Variants in HOOK2 observed in about 807,000 individuals in gnomAD.
The protein encoded by HOOK2 is hook microtubule tethering protein 2.
HOOK2 carries 108 observed loss-of-function variants against 111.9 expected under a neutral mutation model. That is an observed-to-expected ratio of 0.96 (90% CI 0.83 to 1.13). HOOK2 has a LOEUF of 1.13. Ranked by LOEUF, HOOK2 falls within the 50% of genes most tolerant of loss-of-function variation. The probability of loss-of-function intolerance (pLI) is 0.00; values close to 1 mark genes in which losing one functional copy is unlikely to be tolerated. For missense variants in HOOK2, 978 were observed against 951.3 expected (o/e 1.03, Z -0.37); for synonymous variants, 405 against 394.3 (o/e 1.03, Z -0.32).
intron 3 of HOOK2, among the ~76,000 whole-genome samples, chr19:12,788,756 C>A (rs1466740911): frequency 6.6e-6 from 1 of 152,222 alleles, no homozygotes; most frequent in Non-Finnish European, 1.5e-5. Context: ...CCCCGCGGGG[C>A]CCAGCCAGAT....
At chr19:12,768,990 G>A (rs542998898) in intron 11 of HOOK2, among the ~76,000 whole-genome samples, 6 of 147,322 alleles carry the variant, frequency 4.1e-5, no homozygotes, top group African/African-American at 1.5e-4. Context: ...TTTCGAGACG[G>A]AGTCTTGCTC....
chr19:12,767,761 C>T (rs569895027), intron 13 of HOOK2, 55 bp downstream of exon 13: 2 of 1,511,048 alleles, frequency 1.3e-6, no homozygotes, highest in Non-Finnish European at 1.8e-6. Context: ...ACAACCTGTT[C>T]TACCCAAACA....
chr19:12,763,180 T>A lies in HOOK2; in HGVS notation c.*102A>T. On this transcript the variant is annotated 3_prime_UTR_variant, in exon 23 of 23. Coordinates refer to ENST00000397668, the MANE Select transcript of HOOK2 (RefSeq NM_013312.3). ...AGAGGGAAGAGCAGAGATCATGGCC[T>A]CAAAGCTCTCGAGCACCTGGCTGAA... 2 of 1,048,996 alleles carry A rather than the reference T, an allele frequency of 1.9e-6. No individual in the cohort carries two copies. Among genetic ancestry groups the A allele is most frequent in the Non-Finnish European group, 1.3e-6 (1 of 762,764 alleles). 65.0% of individuals were successfully genotyped at this position (1,048,996 alleles called of 1,614,324 possible).
At position 12,775,409 on chromosome 19, in the gene HOOK2, G is replaced by A. The variant is rs1382816288; in HGVS notation, c.41C>T (p.Thr14Ile). The A allele has an allele frequency of 1.2e-6, 2 of 1,612,734 alleles. No homozygotes were observed. Among genetic ancestry groups the A allele is most frequent in the South Asian group, 2.2e-5 (2 of 90,834 alleles). Reference protein sequence around the residue: ...DKAELCGSLLTWLQTFHVPSP... With the variant: ...DKAELCGSLLIWLQTFHVPSP... ...TAGCCCCGCCCCACGACCTACCCAGGTGAGCAGAGACCCGCATAGCTCAGC... is the reference window on the plus strand; with the variant it reads ...TAGCCCCGCCCCACGACCTACCCAGATGAGCAGAGACCCGCATAGCTCAGC... The change falls in exon 1 of 23, where the codon ACC (threonine) becomes ATC (isoleucine). Residue 14 changes from threonine (T) to isoleucine (I), a missense_variant. Thr to Ile is a moderately conservative substitution (Grantham distance 89, BLOSUM62 -1). Transcript: ENST00000397668.
intron 1 of HOOK2, 144 bp downstream of exon 1, chr19:12,775,261 C>G: frequency 6.9e-7 from 1 of 1,452,592 alleles, no homozygotes. Flanking sequence ...GGGGCGGGTG[C>G]TCGGGCCAGA....
chr19:12,773,209 G>A (rs1599501001), intron 3 of HOOK2, 165 bp from the exon 4 acceptor site: 1 of 421,940 alleles, frequency 2.4e-6, no homozygotes. Flanking sequence ...TGCCCCTTTT[G>A]TCTGCCTGAC....
rs755591515 is a variant in HOOK2 at position 12,765,880 on chromosome 19, C to A, written c.1600-46G>T. On this transcript the variant is annotated intron_variant, in intron 16 of 22. Transcript: ENST00000397668. ...CATGGGAGAGAGAGGAGGGTTACTT[C>A]GGGGCACAAGGGAGGGCCAGGCTGG... 1.9e-6 allele frequency: 3 copies of A among 1,611,682 alleles called. No individual in the cohort carries two copies. The South Asian group carries it at 3.3e-5, about 18-fold the overall frequency.
upstream of HOOK2, among the ~76,000 whole-genome samples, chr19:12,775,855 C>T (rs1281497134): frequency 6.6e-6 from 1 of 150,544 alleles, no homozygotes; most frequent in Non-Finnish European, 1.5e-5. Context: ...CGTCTTTTCC[C>T]TGCAACTTAA....
chr19:12,766,846 G>A (rs1333581679), intron 14 of HOOK2, among the ~76,000 whole-genome samples: 1 of 152,182 alleles, frequency 6.6e-6, no homozygotes, highest in Non-Finnish European at 1.5e-5. Flanking sequence ...GCCTCCCGAA[G>A]TGCTGGGATT....
upstream of HOOK2, chr19:12,778,272 C>A (rs889032009): frequency 6.6e-6 from 1 of 152,244 alleles, no homozygotes; most frequent in Non-Finnish European, 1.5e-5. Flanking sequence ...CTGCTCCCCG[C>A]GCGCATCGCA....
At chr19:12,767,328 G>A in intron 14 of HOOK2, 67 bp downstream of exon 14, 2 of 1,335,714 alleles carry the variant, frequency 1.5e-6, no homozygotes, top group South Asian at 1.2e-5. Context: ...GGGAGGGCGG[G>A]AGCGGGGCTG....
upstream of HOOK2, among the ~76,000 whole-genome samples, chr19:12,777,545 G>C (rs1968551835): frequency 6.6e-6 from 1 of 152,230 alleles, no homozygotes; most frequent in South Asian, 2.1e-4. Context: ...AAGGGGACAC[G>C]GGTATGGTCC....
At chr19:12,789,861 G>C (rs1161166418) in intron 3 of HOOK2, among the ~76,000 whole-genome samples, 1 of 152,132 alleles carries the variant, frequency 6.6e-6, no homozygotes, top group East Asian at 1.9e-4. Context: ...TGGGGGCCCA[G>C]GCGCGCCCTG....
At chr19:12,768,182 A>C in intron 11 of HOOK2, 59 bp from the exon 12 acceptor site, 2 of 1,367,962 alleles carry the variant, frequency 1.5e-6, no homozygotes, top group Middle Eastern at 1.8e-4. Flanking sequence ...GCAGGGGCTG[A>C]GTACAAATGG....
Position 12,766,112 on chromosome 19 carries a change from G to C in HOOK2, c.1502C>G (p.Thr501Arg), listed in dbSNP as rs746736286. 15 of 1,602,128 alleles carry C rather than the reference G, an allele frequency of 9.4e-6. No individual in the cohort carries two copies. The African/African-American group carries it at 1.9e-4, about 20-fold the overall frequency. Residue 501 changes from threonine (T) to arginine (R), a missense_variant, in exon 15 of 23, where the codon ACG becomes AGG. Coordinates refer to ENST00000397668, the MANE Select transcript of HOOK2 (RefSeq NM_013312.3). The part of the protein sequence containing the change: ...DANRARHGLE[T>R]QHRLNQQQLS... ...GTCCCCAGGCGCTCACCGGTGCTGC[G>C]TCTCCAACCCGTGGCGCGCGCGGTT...
rs1003506595 is a variant in HOOK2, at chr19:12,763,015, C to G, written c.*267G>C. 1.3e-5 allele frequency: 6 copies of G among 452,876 alleles called. No individual in the cohort carries two copies. The highest frequency in any genetic ancestry group is 2.4e-5 in the Non-Finnish European group (6 of 253,680). The allele number at this position is 452,876 out of a possible 1,614,324, so 28.1% of individuals were successfully genotyped here. A position where few individuals can be genotyped will look rare whatever the true frequency, so the allele number is the denominator to read the frequency against. ...GAGCACAGCCAGGGCAGATTGAACG[C>G]CTTTATTTTTCTCAAATATAAAATC... On this transcript the variant is annotated 3_prime_UTR_variant, in exon 23 of 23. Coordinates refer to ENST00000397668, the MANE Select transcript of HOOK2 (RefSeq NM_013312.3).
intron 1 of HOOK2, 91 bp downstream of exon 1, chr19:12,775,314 C>T: frequency 6.5e-7 from 1 of 1,540,296 alleles, no homozygotes; most frequent in Non-Finnish European, 8.8e-7. Flanking sequence ...CCTCCCAGCC[C>T]CAGCACCAAG....
In HOOK2 at chr19:12,774,877, C is replaced by G. The variant is rs148915203; in HGVS notation, c.66G>C (p.Pro22=). The G allele has an allele frequency of 4.3e-6, 7 of 1,613,904 alleles. No individual in the cohort carries two copies. Among genetic ancestry groups the G allele is most frequent in the Non-Finnish European group, 5.9e-6 (7 of 1,179,946 alleles). ...LLTWLQTFHV[P]SPCASPQDLS... ...GGTCCTGAGGGCTGGCACAGGGAGA[C>G]GGAACGTGGAACGTCTGTAACTGAG... is the stretch of plus-strand genomic sequence containing the variant. Residue 22 remains proline (P), a synonymous_variant, in exon 2 of 23, where the codon CCG becomes CCC. Coordinates refer to ENST00000397668, the MANE Select transcript of HOOK2 (RefSeq NM_013312.3).
Position 12,790,798 on chromosome 19 carries a change from A to G in HOOK2, n.42-16573T>C, listed in dbSNP as rs1291519197. ...TTTCTGCATATCTAGACTTCCCCTA[A>G]TGCCTCCTTCCCGCTTACGGGAGAG... is the stretch of plus-strand genomic sequence containing the variant. On this transcript the variant is annotated intron_variant and non_coding_transcript_variant, in intron 3 of 3. Coordinates refer to the HOOK2 transcript ENST00000589765. The surrounding 1 kb of genome is among the most constrained non-coding windows in gnomAD (Gnocchi z 7.2). 6.6e-6 allele frequency among the ~76,000 whole-genome samples: 1 copy of G among 151,924 alleles called. No individual in the cohort carries two copies. The highest frequency in any genetic ancestry group is 2.4e-5 in the African/African-American group (1 of 41,330).
Sources: gnomAD v4.1 joint callset for allele counts (sites outside exome capture counted in the v4.1 genomes callset) on GRCh38, gnomAD v4.1.1 for gene constraint, Gnocchi (gnomAD v3.1) non-coding constraint, MANE v1.5 for transcripts, NCBI Gene and HGNC (gene_info 2026-07-23, HGNC 2026-07-21) for gene names.